Variants in ARHGAP10 observed in about 807,000 individuals in gnomAD.
The protein encoded by ARHGAP10 is Rho GTPase activating protein 10.
ARHGAP10 carries 87 observed loss-of-function variants against 108.6 expected under a neutral mutation model. That is an observed-to-expected ratio of 0.80 (90% CI 0.67 to 0.96). The LOEUF is 0.96. Among genes scored for constraint, ARHGAP10 ranks in the 40% least tolerant of loss-of-function variants. The pLI, the probability that ARHGAP10 is intolerant of heterozygous loss-of-function variation, is 0.00. For missense variants in ARHGAP10, 939 were observed against 954.5 expected (o/e 0.98, Z 0.21); for synonymous variants, 347 against 341.1 (o/e 1.02, Z -0.19).
chr4:147,846,394 TG>T (rs1430758901), intron 3 of ARHGAP10, among the ~76,000 whole-genome samples: 1 of 152,244 alleles, frequency 6.6e-6, no homozygotes, highest in Non-Finnish European at 1.5e-5. Context: ...TCTGGTCTCC[TG>T]GAAGCAGAGG....
At chr4:147,924,413 G>A (rs1265844093) in intron 13 of ARHGAP10, among the ~76,000 whole-genome samples, 4 of 151,870 alleles carry the variant, frequency 2.6e-5, no homozygotes, top group Admixed American at 6.6e-5. Flanking sequence ...CCTCTTTAAC[G>A]CATCCACAGA....
At chr4:148,055,834 G>A (rs1729340086) in intron 20 of ARHGAP10, among the ~76,000 whole-genome samples, 1 of 152,092 alleles carries the variant, frequency 6.6e-6, no homozygotes, top group Non-Finnish European at 1.5e-5. Context: ...GAAAGCACTG[G>A]GTATGTGTGG....
chr4:148,059,800 A>G (rs1578837600), intron 20 of ARHGAP10, among the ~76,000 whole-genome samples: 1 of 152,306 alleles, frequency 6.6e-6, no homozygotes, highest in South Asian at 2.1e-4. Context: ...GTCAGAGCCA[A>G]CAGCCTCTAT....
At chr4:147,784,052 T>A (rs1360319948) in intron 1 of ARHGAP10, among the ~76,000 whole-genome samples, 19 of 142,234 alleles carry the variant, frequency 1.3e-4, no homozygotes, top group East Asian at 4.2e-4. Context: ...ATATTATATA[T>A]TTTACATAAC....
At chr4:147,929,528 TAAAC>T (rs1197113180) in intron 13 of ARHGAP10, among the ~76,000 whole-genome samples, 2 of 152,234 alleles carry the variant, frequency 1.3e-5, no homozygotes, top group African/African-American at 2.4e-5. Context: ...TTACTATACT[TAAAC>T]AGACATTTAA....
intron 18 of ARHGAP10, among the ~76,000 whole-genome samples, chr4:148,020,287 G>T (rs1269351199): frequency 6.6e-6 from 1 of 152,094 alleles, no homozygotes; most frequent in Non-Finnish European, 1.5e-5. Flanking sequence ...AATTTTTCTG[G>T]TGTTTTTTTT....
intron 18 of ARHGAP10, among the ~76,000 whole-genome samples, chr4:147,983,051 T>C (rs1420029782): frequency 6.6e-6 from 1 of 152,062 alleles, no homozygotes; most frequent in Non-Finnish European, 1.5e-5. Context: ...TGCTAAGTTT[T>C]TGCATTTTTT....
intron 10 of ARHGAP10, among the ~76,000 whole-genome samples, chr4:147,893,907 G>A (rs1053508703): frequency 1.3e-5 from 2 of 152,132 alleles, no homozygotes; most frequent in African/African-American, 4.8e-5. Flanking sequence ...TTTCCCTAAA[G>A]ATGATACTGT....
At chr4:147,906,584 A>C (rs1579185113) in intron 10 of ARHGAP10, 54 bp from the exon 11 acceptor site, 1 of 1,580,998 alleles carries the variant, frequency 6.3e-7, no homozygotes, top group Admixed American at 1.7e-5. Flanking sequence ...TCTTAGGAAA[A>C]ACTTGCCTTT....
intron 15 of ARHGAP10, among the ~76,000 whole-genome samples, chr4:147,951,952 G>A (rs895094478): frequency 4.6e-5 from 7 of 152,006 alleles, no homozygotes; most frequent in Non-Finnish European, 1.0e-4. Context: ...CACACCCTAC[G>A]GAAGTAGCCT....
At chr4:148,022,073 C>T (rs1249250023) in intron 18 of ARHGAP10, among the ~76,000 whole-genome samples, 1 of 152,118 alleles carries the variant, frequency 6.6e-6, no homozygotes, top group Non-Finnish European at 1.5e-5. Context: ...AAGTGATATA[C>T]CCTCACTTGT....
intron 15 of ARHGAP10, among the ~76,000 whole-genome samples, chr4:147,952,113 T>A (rs1387609630): frequency 1.3e-5 from 2 of 152,212 alleles, no homozygotes; most frequent in African/African-American, 4.8e-5. Context: ...TGCTAACTAA[T>A]GGACCATTTT....
chr4:147,843,599 T>C (rs567332514), intron 3 of ARHGAP10, among the ~76,000 whole-genome samples: 1 of 152,320 alleles, frequency 6.6e-6, no homozygotes, highest in South Asian at 2.1e-4. Context: ...CGATCTCAGC[T>C]CACCGCAACC....
chr4:147,848,061 T>C lies in ARHGAP10; in HGVS notation c.384+839T>C, dbSNP rs554567025. On this transcript the variant is annotated intron_variant, in intron 4 of 22. Transcript: ENST00000336498. ...GGGAAGGGAGTTTTTATATTTGTATTTTTTTCCCCCCACGTGGCTGGGGAT... is the reference window on the plus strand; with the variant it reads ...GGGAAGGGAGTTTTTATATTTGTATCTTTTTCCCCCCACGTGGCTGGGGAT... 1.0e-3 allele frequency among the ~76,000 whole-genome samples: 155 copies of C among 150,348 alleles called. 1 individual carries two copies. The highest frequency in any genetic ancestry group is 9.9e-4 in the Non-Finnish European group (67 of 67,744).
At chr4:147,912,972 T>C in intron 12 of ARHGAP10, 102 bp from the exon 13 acceptor site, 1 of 1,186,132 alleles carries the variant, frequency 8.4e-7, no homozygotes. Context: ...AATAGTAATC[T>C]AAAAATTAGT....
intron 3 of ARHGAP10, among the ~76,000 whole-genome samples, chr4:147,826,667 T>C (rs1732721951): frequency 6.6e-6 from 1 of 152,176 alleles, no homozygotes; most frequent in African/African-American, 2.4e-5. Context: ...CCAGTCTCGT[T>C]TCTCCTGTGA....
intron 8 of ARHGAP10, among the ~76,000 whole-genome samples, chr4:147,876,550 G>A (rs554578272): frequency 6.6e-6 from 1 of 152,122 alleles, no homozygotes; most frequent in Non-Finnish European, 1.5e-5. Flanking sequence ...CCAAGATCGC[G>A]CCACTGCACT....
intron 18 of ARHGAP10, among the ~76,000 whole-genome samples, chr4:147,982,546 C>CTTTTTTTTTTTTTTTT (rs753773443): frequency 1.1e-4 from 7 of 66,272 alleles, no homozygotes; most frequent in African/African-American, 2.8e-4. Flanking sequence ...CCAGCTAAAT[C>CTTTTTTTTTTTTTTTT]TTTTTTTTTT....
chr4:147,965,155 C>T (rs757789321), intron 17 of ARHGAP10, 26 bp downstream of exon 17: 6 of 1,559,906 alleles, frequency 3.8e-6, no homozygotes, highest in South Asian at 3.5e-5. Context: ...TTCGTTTTAA[C>T]TTTCTTCACT....
Sources: allele counts gnomAD v4.1 joint callset (sites outside exome capture counted in the v4.1 genomes callset), GRCh38; gene constraint gnomAD v4.1.1; transcripts MANE v1.5; gene names NCBI Gene and HGNC (gene_info 2026-07-23, HGNC 2026-07-21).